Variants in RANBP2 observed in about 807,000 individuals in gnomAD.
RANBP2 encodes the protein E3 SUMO-protein ligase RanBP2.
A neutral mutation model predicts 303.6 loss-of-function variants in RANBP2; 57 were observed. The ratio of observed to expected loss-of-function variants is 0.19; its 90% CI spans 0.15 to 0.23. RANBP2 has a LOEUF of 0.23. RANBP2 is among the 10% of genes least tolerant of loss of function. The pLI is 1.00. For synonymous variants in RANBP2, 1,167 were observed against 1,301.5 expected, an observed-to-expected ratio of 0.90 and a Z score of 2.23; for missense variants, 3,138 against 3,780.8, an observed-to-expected ratio of 0.83 and a Z score of 4.46.
the RANBP2 span, among the ~76,000 whole-genome samples, chr2:109,402,573 C>T: frequency 6.6e-6 from 1 of 152,236 alleles, no homozygotes; most frequent in Non-Finnish European, 1.5e-5. Context: ...CTGGCCCCAG[C>T]AAGGGCCACT....
chr2:109,184,668 C>A, the RANBP2 span, among the ~76,000 whole-genome samples: 9 of 152,220 alleles, frequency 5.9e-5, no homozygotes, highest in Non-Finnish European at 1.0e-4. Context: ...CCAGCCCACA[C>A]TGGGCTGCCT....
chr2:109,301,184 A>G, the RANBP2 span, among the ~76,000 whole-genome samples: 1 of 152,132 alleles, frequency 6.6e-6, no homozygotes, highest in Non-Finnish European at 1.5e-5. Context: ...CAAGAGGGGG[A>G]TTGCCCTGGT....
the RANBP2 span, among the ~76,000 whole-genome samples, chr2:109,672,264 G>A: frequency 9.5e-4 from 144 of 152,314 alleles, no homozygotes; most frequent in African/African-American, 3.2e-3. Flanking sequence ...AATATTGGTA[G>A]CAAACAGCCA....
chr2:109,525,499 G>A, the RANBP2 span, among the ~76,000 whole-genome samples: 6 of 152,138 alleles, frequency 3.9e-5, no homozygotes, highest in Admixed American at 6.6e-5. Flanking sequence ...CTCACCAGCC[G>A]GAGCCCCACA....
chr2:108,835,489 G>A, the RANBP2 span, among the ~76,000 whole-genome samples: 11 of 152,112 alleles, frequency 7.2e-5, no homozygotes, highest in Admixed American at 2.6e-4. Flanking sequence ...TGATAACAGC[G>A]ATATGATAAC....
the RANBP2 span, among the ~76,000 whole-genome samples, chr2:109,020,062 T>G: frequency 6.6e-6 from 1 of 152,340 alleles, no homozygotes; most frequent in East Asian, 1.9e-4. Flanking sequence ...GGTAACCATC[T>G]GAGACATGTC....
chr2:109,579,448 A>G, the RANBP2 span, among the ~76,000 whole-genome samples: 23 of 151,390 alleles, frequency 1.5e-4, no homozygotes, highest in Middle Eastern at 0.01. Flanking sequence ...TAATGGCCCA[A>G]TCTTGGCTCA....
At chr2:109,668,491 C>T in the RANBP2 span, among the ~76,000 whole-genome samples, 4 of 152,086 alleles carry the variant, frequency 2.6e-5, no homozygotes, top group Non-Finnish European at 5.9e-5. Flanking sequence ...TATAAAGAAA[C>T]AACAATGAAA....
chr2:109,310,823 C>T, the RANBP2 span, among the ~76,000 whole-genome samples: 1 of 93,610 alleles, frequency 1.1e-5, no homozygotes, highest in Non-Finnish European at 1.9e-5. Context: ...AGACCAATAA[C>T]AGGAGCTGAA....
the RANBP2 span, among the ~76,000 whole-genome samples, chr2:109,496,540 G>A: frequency 6.6e-6 from 1 of 152,214 alleles, no homozygotes; most frequent in Non-Finnish European, 1.5e-5. Flanking sequence ...GTCAGTGAGG[G>A]TGAGGGCACC....
chr2:109,449,342 C>G, the RANBP2 span: 1 of 1,606,890 alleles, frequency 6.2e-7, no homozygotes, highest in South Asian at 1.1e-5. Flanking sequence ...CGGCCATCCC[C>G]CTCACATCAG....
At chr2:109,747,798 G>A in the RANBP2 span, among the ~76,000 whole-genome samples, 1 of 141,658 alleles carries the variant, frequency 7.1e-6, no homozygotes, top group Non-Finnish European at 1.5e-5. Context: ...GTTCAGTTTG[G>A]TAGTAATTTG....
chr2:109,311,989 G>A, the RANBP2 span, among the ~76,000 whole-genome samples: 1 of 151,880 alleles, frequency 6.6e-6, no homozygotes. Context: ...TGGTGAGGTC[G>A]GCTGCTGCTG....
At chr2:109,585,721 CCA>C in the RANBP2 span, 19 of 1,604,694 alleles carry the variant, frequency 1.2e-5, no homozygotes, top group Non-Finnish European at 1.5e-5. Context: ...TGGCACGTAC[CCA>C]CACAGAGAAT....
rs760667888 is a variant in RANBP2, at chr2:108,755,008, G to A, written c.2306G>A (p.Arg769Gln). Residue 769 changes from arginine to glutamine, a missense_variant, in exon 16 of 29, where the codon CGA (arginine) becomes CAA (glutamine). By Grantham distance (43) the Arg-to-Gln change is conservative. Around this residue, in one of 20 missense-constraint regions of RANBP2, gnomAD observed 194 missense variants for 197.4 expected, o/e 0.98. Transcript: ENST00000283195. Reference protein sequence around the residue: ...GGPLYKNGSLRNADSEIKHST... With the variant: ...GGPLYKNGSLQNADSEIKHST... ...CCTCTCTATAAAAATGGTTCTTTGC[G>A]AAATGCAGATTCAGAAATAAAACAT... is the stretch of plus-strand genomic sequence containing the variant. 79 of 1,611,598 alleles carry A rather than the reference G, an allele frequency of 4.9e-5. No homozygotes were observed. Among genetic ancestry groups the A allele is most frequent in the Middle Eastern group, 2.2e-4 (1 of 4,450 alleles).
chr2:109,068,464 C>T, the RANBP2 span, among the ~76,000 whole-genome samples: 1 of 152,258 alleles, frequency 6.6e-6, no homozygotes, highest in African/African-American at 2.4e-5. Context: ...GCAACATCTC[C>T]AGCACCCAGA....
the RANBP2 span, among the ~76,000 whole-genome samples, chr2:109,621,162 T>C: frequency 6.6e-6 from 1 of 152,092 alleles, no homozygotes; most frequent in Non-Finnish European, 1.5e-5. Context: ...GTTGTTGTTG[T>C]TTTCTTTTTG....
At chr2:109,276,297 G>A in the RANBP2 span, among the ~76,000 whole-genome samples, 3 of 152,210 alleles carry the variant, frequency 2.0e-5, no homozygotes, top group African/African-American at 7.2e-5. Flanking sequence ...AAAGGGTCAC[G>A]ATTAGATGGA....
the RANBP2 span, among the ~76,000 whole-genome samples, chr2:108,797,498 G>GCCAGAATC: frequency 1.3e-5 from 2 of 152,176 alleles, no homozygotes; most frequent in South Asian, 4.1e-4. Context: ...TGAAATGAGA[G>GCCAGAATC]ACCTCAGCAA....
Sources: gnomAD v4.1 joint callset for allele counts (sites outside exome capture counted in the v4.1 genomes callset) on GRCh38, gnomAD v4.1.1 for gene constraint, gnomAD v4.1.1 regional missense constraint, MANE v1.5 for transcripts, NCBI Gene and HGNC (gene_info 2026-07-23, HGNC 2026-07-21) for gene names.